SLF2: variants seen among roughly 807,000 people sequenced by gnomAD.
The protein encoded by SLF2 is SMC5/6 complex localization factor 2, also known as SMC5-SMC6 complex localization factor protein 2.
In SLF2, 68 loss-of-function variants were observed where a neutral mutation model predicts 124.3. That is an observed-to-expected ratio of 0.55 (90% CI 0.45 to 0.67). The LOEUF is 0.67. Ranked by LOEUF, SLF2 falls within the 30% of genes least tolerant of loss-of-function variation. The pLI, the probability that SLF2 is intolerant of heterozygous loss-of-function variation, is 0.00. For missense variants in SLF2, 1,246 were observed against 1,373.7 expected, an observed-to-expected ratio of 0.91 and a Z score of 1.47; for synonymous variants, 480 against 478.8, an observed-to-expected ratio of 1.00 and a Z score of -0.03.
rs1448145714 is a variant in SLF2, at chr10:100,927,426, C to T, written c.2042+1407C>T. 7.2e-5 allele frequency among the ~76,000 whole-genome samples: 11 copies of T among 152,250 alleles called. No individual in the cohort carries two copies. The East Asian group carries it at 7.7e-4, about 11-fold the overall frequency. Reference sequence around the variant, plus strand: ...ATATAGTAGCATGTGTCAGAATTTCCGTTCTTTATAAAGCTGATTATTCCA... The same window carrying T: ...ATATAGTAGCATGTGTCAGAATTTCTGTTCTTTATAAAGCTGATTATTCCA... On this transcript the variant is annotated intron_variant, in intron 6 of 19. Transcript: ENST00000238961.
chr10:100,921,121 A>G (rs145737601), intron 4 of SLF2, among the ~76,000 whole-genome samples: 1 of 152,356 alleles, frequency 6.6e-6, no homozygotes, highest in East Asian at 1.9e-4. Context: ...TTGGTCTTCT[A>G]GAGCCCTGTC....
At position 100,924,733 on chromosome 10, in the gene SLF2, T is replaced by A; in HGVS notation, c.1732T>A (p.Ser578Thr). 6.2e-7 allele frequency: 1 copy of A among 1,614,124 alleles called. No individual in the cohort carries two copies. Among genetic ancestry groups the A allele is most frequent in the African/African-American group, 1.3e-5 (1 of 75,020 alleles). The change falls in exon 5 of 20, where the codon TCA becomes ACA. Residue 578 changes from serine to threonine, a missense_variant. This residue lies in a region of SLF2 where 698 missense variants were observed against 708.9 expected (regional missense o/e 0.98). Transcript: ENST00000238961. The part of the protein sequence containing the change: ...SPAAPSDKAP[S>T]EGESSGNSNA... ...TGCAGCACCTTCAGATAAAGCCCCT[T>A]CAGAAGGAGAGAGTTCAGGAAATTC...
intron 11 of SLF2, among the ~76,000 whole-genome samples, chr10:100,939,584 A>G (rs2133801278): frequency 6.6e-6 from 1 of 151,968 alleles, no homozygotes; most frequent in East Asian, 1.9e-4. Flanking sequence ...AGGCTGAGGC[A>G]GGAGAATCAC....
At chr10:100,959,662 C>T (rs1330603232) in intron 19 of SLF2, 166 bp downstream of exon 19, 20 of 1,222,744 alleles carry the variant, frequency 1.6e-5, no homozygotes, top group East Asian at 8.8e-5. Flanking sequence ...TTTTAGTTTT[C>T]GTTTGCTTTA....
intron 11 of SLF2, 45 bp downstream of exon 11, chr10:100,938,781 C>T (rs570071708): frequency 2.1e-4 from 312 of 1,515,672 alleles, no homozygotes; most frequent in Non-Finnish European, 2.6e-4. Flanking sequence ...TCATTTCGTA[C>T]GACTTATATA....
chr10:100,923,409 G>T (rs1849555443), intron 4 of SLF2, among the ~76,000 whole-genome samples: 1 of 151,830 alleles, frequency 6.6e-6, no homozygotes. Flanking sequence ...TCTTTTCCTT[G>T]TGTATTTTCA....
intron 4 of SLF2, among the ~76,000 whole-genome samples, chr10:100,919,889 T>C (rs1849494559): frequency 6.6e-6 from 1 of 152,210 alleles, no homozygotes; most frequent in African/African-American, 2.4e-5. Flanking sequence ...AATTCCTCCT[T>C]CAGGTTTCAT....
chr10:100,913,156 C>G lies in SLF2; in HGVS notation c.46C>G (p.Pro16Ala). The G allele has an allele frequency of 6.2e-7, 1 of 1,612,692 alleles. No homozygotes were observed. The highest frequency in any genetic ancestry group is 8.5e-7 in the Non-Finnish European group (1 of 1,179,494). Residue 16 changes from proline to alanine, a missense_variant, in exon 1 of 20, where the codon CCA becomes GCA. By Grantham distance (27) the Pro-to-Ala change is conservative. Coordinates refer to ENST00000238961, the MANE Select transcript of SLF2 (RefSeq NM_018121.4). ...CGCTAGGCCAGGTTTCCCCTCATCCCCAGCCCCGGGGTCGTCGCCCCCGCG... is the reference window on the plus strand; with the variant it reads ...CGCTAGGCCAGGTTTCCCCTCATCCGCAGCCCCGGGGTCGTCGCCCCCGCG... ...MPARPGFPSS[P>A]APGSSPPRCH...
chr10:100,925,033 G>A, intron 5 of SLF2, 61 bp downstream of exon 5: 2 of 1,480,502 alleles, frequency 1.4e-6, no homozygotes, highest in African/African-American at 1.4e-5. Context: ...ATTAGTGAAA[G>A]GGGTGGATTA....
chr10:100,947,299 A>G (rs1850123017), intron 14 of SLF2, among the ~76,000 whole-genome samples, 163 bp downstream of exon 14: 1 of 151,806 alleles, frequency 6.6e-6, no homozygotes, highest in Non-Finnish European at 1.5e-5. Flanking sequence ...ATTCTGCCTT[A>G]TTCTAATTCT....
In SLF2 at chr10:100,959,488, C is replaced by T; in HGVS notation, c.3478C>T (p.Pro1160Ser). 1.9e-6 allele frequency: 3 copies of T among 1,613,012 alleles called. No homozygotes were observed. The highest frequency in any genetic ancestry group is 1.3e-5 in the African/African-American group (1 of 74,966). The change falls in exon 19 of 20, where the codon CCT becomes TCT. Residue 1160 changes from proline (P) to serine (S), a missense_variant. Physicochemically the swap from Pro to Ser is moderately conservative, Grantham distance 74. Coordinates refer to ENST00000238961, the MANE Select transcript of SLF2 (RefSeq NM_018121.4). ...GCAGGAAATAATCCAGAACTGTCGG[C>T]CTACTCAGGTGTCATTTTGTTATAC... ...KWQEIIQNCR[P>S]TQGQLHDFWV... is the part of the protein sequence containing the mutation.
In SLF2 at chr10:100,944,262, AG is replaced by A. The variant is rs1850046127; in HGVS notation, c.2757+137del. On this transcript the variant is annotated intron_variant, in intron 12 of 19. Coordinates refer to ENST00000238961, the MANE Select transcript of SLF2 (RefSeq NM_018121.4). ...TGTAATCCCAGCACTTTGGGAGGCC[AG>A]GGCGGGCAGATCACAAGGTCAGGAG... The A allele has an allele frequency of 5.9e-6, 3 of 512,662 alleles. No individual in the cohort carries two copies. The East Asian group carries it at 1.1e-4, about 18-fold the overall frequency. 31.8% of individuals were successfully genotyped at this position (512,662 alleles called of 1,614,324 possible). A position where few individuals can be genotyped will look rare whatever the true frequency, so the allele number is the denominator to read the frequency against.
rs1172340966 is a variant in SLF2 at position 100,916,613 on chromosome 10, T to C, written c.228T>C (p.Tyr76=). ...LDSPQKSNIK[Y]GGSRLSITGT... ...CACCACAAAAATCAAACATCAAATA[T>C]GGAGGAAGTAGATTGTCTATCACTG... The change falls in exon 3 of 20, where the codon TAT becomes TAC. Residue 76 remains tyrosine, a synonymous_variant. Transcript: ENST00000238961. The C allele has an allele frequency of 3.5e-6, 5 of 1,428,954 alleles. No homozygotes were observed. The African/African-American group carries it at 5.8e-5, about 17-fold the overall frequency. 88.5% of individuals were successfully genotyped at this position (1,428,954 alleles called of 1,614,324 possible).
intron 3 of SLF2, among the ~76,000 whole-genome samples, chr10:100,917,660 T>C (rs529792216): frequency 6.6e-6 from 1 of 152,290 alleles, no homozygotes; most frequent in Non-Finnish European, 1.5e-5. Context: ...CATTGCAGTC[T>C]CAAACTCCTG....
At chr10:100,960,878 A>G (rs954942787) in intron 19 of SLF2, among the ~76,000 whole-genome samples, 2 of 151,782 alleles carry the variant, frequency 1.3e-5, no homozygotes, top group Non-Finnish European at 2.9e-5. Flanking sequence ...AGTAACTGGC[A>G]TAGGATTGTC....
At chr10:100,956,925 G>A (rs922209692) in intron 18 of SLF2, among the ~76,000 whole-genome samples, 1 of 151,878 alleles carries the variant, frequency 6.6e-6, no homozygotes, top group African/African-American at 2.4e-5. Flanking sequence ...ACTCTGTCTC[G>A]AAAACAAAAA....
chr10:100,935,529 G>A (rs117288810), intron 9 of SLF2, among the ~76,000 whole-genome samples: 59 of 151,698 alleles, frequency 3.9e-4, no homozygotes, highest in Non-Finnish European at 7.7e-4. Flanking sequence ...GGAGAAACCC[G>A]TCTCTAGCCT....
intron 6 of SLF2, chr10:100,926,280 G>T (rs1345124659): frequency 2.7e-6 from 4 of 1,482,494 alleles, no homozygotes; most frequent in East Asian, 2.5e-5. Flanking sequence ...CTTCACTGCA[G>T]CCTGGGTGGC....
In SLF2 at chr10:100,963,157, G is replaced by GT. The variant is rs1235207886; in HGVS notation, c.*1246dup. On this transcript the variant is annotated 3_prime_UTR_variant, in exon 20 of 20. Coordinates refer to ENST00000238961, the MANE Select transcript of SLF2 (RefSeq NM_018121.4). ...CCTGAGTGCTCTAGTGTCTCCAGTT[G>GT]TGGGGGGGAAAGATGATGGAGGGGA... 2 of 152,534 alleles carry GT rather than the reference G, an allele frequency of 1.3e-5. No individual in the cohort carries two copies. Among genetic ancestry groups the GT allele is most frequent in the African/African-American group, 2.4e-5 (1 of 41,426 alleles). 9.4% of individuals were successfully genotyped at this position (152,534 alleles called of 1,614,324 possible).
Sources: allele counts gnomAD v4.1 joint callset (sites outside exome capture counted in the v4.1 genomes callset), GRCh38; gene constraint gnomAD v4.1.1; regional missense constraint gnomAD v4.1.1; transcripts MANE v1.5; gene names NCBI Gene and HGNC (gene_info 2026-07-23, HGNC 2026-07-21).